The following SEMA6A variants were observed in gnomAD, a reference collection of about 807,000 sequenced individuals.
The protein encoded by SEMA6A is semaphorin 6A, also known as semaphorin-6A.
In SEMA6A, 25 loss-of-function variants were observed where a neutral mutation model predicts 96.8. That is an observed-to-expected ratio of 0.26 (90% CI 0.19 to 0.36). The LOEUF (loss-of-function observed/expected upper bound fraction) is 0.36. Ranked by LOEUF, SEMA6A falls within the 10% of genes least tolerant of loss-of-function variation. SEMA6A has a pLI of 1.00. For missense variants in SEMA6A, 1,363 were observed against 1,323.1 expected (o/e 1.03, Z -0.47); for synonymous variants, 612 against 518.0 (o/e 1.18, Z -2.46).
chr5:116,473,563 A>C (rs558889636), intron 16 of SEMA6A, among the ~76,000 whole-genome samples: 2 of 152,346 alleles, frequency 1.3e-5, no homozygotes, highest in East Asian at 3.9e-4. Context: ...TTTAGTTTGG[A>C]AGTTAAAACA....
At chr5:116,543,902 A>G (rs960493065) in intron 1 of SEMA6A, among the ~76,000 whole-genome samples, 2 of 152,090 alleles carry the variant, frequency 1.3e-5, no homozygotes, top group African/African-American at 4.8e-5. Context: ...TCTCTTCTCT[A>G]CTTCTCTGTT....
Position 116,475,623 on chromosome 5 carries a change from A to G in SEMA6A, c.1650-20T>C. 1 of 1,563,876 alleles carries G rather than the reference A, an allele frequency of 6.4e-7. No homozygotes were observed. The highest frequency in any genetic ancestry group is 8.7e-7 in the Non-Finnish European group (1 of 1,145,904). On this transcript the variant is annotated intron_variant, in intron 15 of 18. Coordinates refer to ENST00000343348, the MANE Select transcript of SEMA6A (RefSeq NM_020796.5). Reference sequence around the variant, plus strand: ...GTCAGTCTTTTAAAAAAGGAAGGGAAAGAGAGACAGAAATGAATACAATAA... The same window carrying G: ...GTCAGTCTTTTAAAAAAGGAAGGGAGAGAGAGACAGAAATGAATACAATAA...
chr5:116,472,394 T>G (rs114928265), intron 17 of SEMA6A: 402 of 152,546 alleles, frequency 2.6e-3, no homozygotes, highest in Non-Finnish European at 4.6e-3. Flanking sequence ...GAGCTTAAAT[T>G]TCAGTGGCCA....
chr5:116,565,275 C>T (rs1019306573), intron 1 of SEMA6A, among the ~76,000 whole-genome samples: 7 of 152,160 alleles, frequency 4.6e-5, no homozygotes, highest in Admixed American at 6.5e-5. Flanking sequence ...ATACGAGAAG[C>T]GGTTTTCAGT....
chr5:116,478,457 C>T, intron 13 of SEMA6A, 85 bp downstream of exon 13: 1 of 1,350,400 alleles, frequency 7.4e-7, no homozygotes, highest in South Asian at 1.5e-5. Flanking sequence ...CATAAAACCT[C>T]AGTCGGTCAT....
At chr5:116,498,576 G>C (rs1341779568) in intron 3 of SEMA6A, 1 of 151,838 alleles carries the variant, frequency 6.6e-6, no homozygotes, top group Non-Finnish European at 1.5e-5. Context: ...ATGGGGGGAG[G>C]GGGTGGAAGG....
At chr5:116,492,051 A>G (rs1757355095) in intron 6 of SEMA6A, among the ~76,000 whole-genome samples, 2 of 152,204 alleles carry the variant, frequency 1.3e-5, no homozygotes, top group Non-Finnish European at 2.9e-5. Flanking sequence ...CATTCTTTCA[A>G]GCAGTGTACT....
chr5:116,506,206 A>G (rs1758137443), intron 1 of SEMA6A, among the ~76,000 whole-genome samples: 2 of 152,242 alleles, frequency 1.3e-5, no homozygotes, highest in African/African-American at 4.8e-5. Context: ...CTTCATGCCA[A>G]GAAAGTATTA....
At chr5:116,540,078 C>T (rs1211465463) in intron 1 of SEMA6A, among the ~76,000 whole-genome samples, 5 of 151,970 alleles carry the variant, frequency 3.3e-5, no homozygotes, top group African/African-American at 1.2e-4. Context: ...TTACAAAACC[C>T]CTTTTCTTCC....
At chr5:116,477,075 G>A (rs974605279) in intron 15 of SEMA6A, among the ~76,000 whole-genome samples, 1 of 152,192 alleles carries the variant, frequency 6.6e-6, no homozygotes, top group East Asian at 1.9e-4. Flanking sequence ...AAATGGCTGT[G>A]TTGAAGAAAG....
At chr5:116,496,048 G>A (rs1378246461) in intron 5 of SEMA6A, 11 of 512,940 alleles carry the variant, frequency 2.1e-5, no homozygotes, top group Non-Finnish European at 3.5e-5. Flanking sequence ...CATGATGCAG[G>A]CCTAGCAGCT....
intron 17 of SEMA6A, among the ~76,000 whole-genome samples, chr5:116,469,828 A>G (rs934853326): frequency 3.9e-5 from 6 of 152,234 alleles, no homozygotes; most frequent in Admixed American, 1.3e-4. Context: ...ATGGAAAGCT[A>G]TGGCTATGAG....
intron 1 of SEMA6A, among the ~76,000 whole-genome samples, chr5:116,515,317 A>G (rs1456390126): frequency 6.6e-6 from 1 of 152,086 alleles, no homozygotes; most frequent in Non-Finnish European, 1.5e-5. Context: ...GTGTCTGATT[A>G]CTATTTTTTC....
chr5:116,522,242 T>G (rs1398473660), intron 1 of SEMA6A, among the ~76,000 whole-genome samples: 1 of 146,040 alleles, frequency 6.8e-6, no homozygotes, highest in Non-Finnish European at 1.5e-5. Flanking sequence ...ATATTTTTCT[T>G]GTGCATGTGT....
At chr5:116,562,966 T>C in intron 1 of SEMA6A, 1 of 576,960 alleles carries the variant, frequency 1.7e-6, no homozygotes, top group Non-Finnish European at 3.3e-6. Context: ...CCCCATCCTC[T>C]CTGACAGCAC....
chr5:116,531,535 T>C (rs1346265906), intron 1 of SEMA6A, among the ~76,000 whole-genome samples: 1 of 152,188 alleles, frequency 6.6e-6, no homozygotes, highest in Non-Finnish European at 1.5e-5. Context: ...ATTTTGACGC[T>C]AGGTGTCCTC....
chr5:116,517,091 C>T lies in SEMA6A; in HGVS notation c.-38-12109G>A, dbSNP rs543469702. ...AATTACAAACAAAACAAAAACAAAC[C>T]CTGAAAACCAAAATGTTTTTTCTAC... On this transcript the variant is annotated intron_variant, in intron 1 of 18. Coordinates refer to ENST00000343348, the MANE Select transcript of SEMA6A (RefSeq NM_020796.5). Among the ~76,000 whole-genome samples, 6 of 152,196 alleles carry T rather than the reference C, an allele frequency of 3.9e-5. No individual in the cohort carries two copies. In the South Asian group the frequency reaches 1.2e-3, roughly 32 times the overall value.
chr5:116,487,216 A>G, intron 9 of SEMA6A: 1 of 430,930 alleles, frequency 2.3e-6, no homozygotes, highest in South Asian at 2.5e-5. Context: ...ATCAGCTCCG[A>G]GCCACATAAA....
intron 1 of SEMA6A, among the ~76,000 whole-genome samples, chr5:116,540,046 C>T (rs1016159025): frequency 2.0e-5 from 3 of 151,668 alleles, no homozygotes; most frequent in Admixed American, 6.6e-5. Context: ...TTCTTATTTT[C>T]TTGCGCTAAA....
Sources: allele counts gnomAD v4.1 joint callset (sites outside exome capture counted in the v4.1 genomes callset), GRCh38; gene constraint gnomAD v4.1.1; transcripts MANE v1.5; gene names NCBI Gene and HGNC (gene_info 2026-07-23, HGNC 2026-07-21).